Variants in ZNF346 observed in about 807,000 individuals in gnomAD.
ZNF346 encodes the protein double-stranded RNA-binding zinc finger protein JAZ.
A neutral mutation model predicts 33.7 loss-of-function variants in ZNF346; 23 were observed. The observed-to-expected ratio is 0.68, with a 90% CI of 0.49 to 0.97. The LOEUF (loss-of-function observed/expected upper bound fraction) is 0.97, where lower values mean the gene tolerates loss of function less well. Among genes scored for constraint, ZNF346 ranks in the 50% least tolerant of loss-of-function variants. The probability of loss-of-function intolerance (pLI) is 0.00; values close to 1 mark genes in which losing one functional copy is unlikely to be tolerated. For synonymous variants in ZNF346, 134 were observed against 142.4 expected (o/e 0.94, Z 0.42); for missense variants, 340 against 371.1 (o/e 0.92, Z 0.69).
rs183686 is a variant in ZNF346 at position 177,067,101 on chromosome 5, A to G, written c.*2502A>G. 0.58 allele frequency among the ~76,000 whole-genome samples: 87,888 copies of G among 151,964 alleles called. 27,150 individuals carry two copies. The highest frequency in any genetic ancestry group is 0.81 in the African/African-American group (33,625 of 41,446). On this transcript the variant is annotated 3_prime_UTR_variant, in exon 7 of 7. Coordinates refer to ENST00000358149, the MANE Select transcript of ZNF346 (RefSeq NM_012279.4). Reference sequence around the variant, plus strand: ...TAATAAATTTTAAAAGAAGGTAGCCAGGTGTGGTGGTGCATTCCTGTAGTC... The same window carrying G: ...TAATAAATTTTAAAAGAAGGTAGCCGGGTGTGGTGGTGCATTCCTGTAGTC...
intron 5 of ZNF346, among the ~76,000 whole-genome samples, chr5:177,051,149 A>G (rs564131255): frequency 4.5e-4 from 68 of 150,686 alleles, no homozygotes; most frequent in Non-Finnish European, 8.1e-4. Context: ...AGCTGTTACC[A>G]TATCTTTCAG....
At chr5:177,079,025 C>CT (rs1435821052) in intron 8 of ZNF346, among the ~76,000 whole-genome samples, 2 of 151,916 alleles carry the variant, frequency 1.3e-5, no homozygotes, top group Non-Finnish European at 2.9e-5. Flanking sequence ...AATCCCAGCA[C>CT]TTTGGGAGGC....
rs991395928 is a variant in ZNF346, at chr5:177,066,012, A to G, written c.*1413A>G. ...ACCTAGGGTTTTGAGCCATATTGCC[A>G]TTGGATCTAGTATGTCTGTCTTGAC... is the stretch of plus-strand genomic sequence containing the variant. On this transcript the variant is annotated 3_prime_UTR_variant, in exon 7 of 7. Coordinates refer to ENST00000358149, the MANE Select transcript of ZNF346 (RefSeq NM_012279.4). 2.1e-5 allele frequency: 3 copies of G among 143,360 alleles called. No individual in the cohort carries two copies. The highest frequency in any genetic ancestry group is 7.9e-5 in the African/African-American group (3 of 38,084). 8.9% of individuals were successfully genotyped at this position (143,360 alleles called of 1,614,324 possible).
intron 8 of ZNF346, among the ~76,000 whole-genome samples, chr5:177,075,618 A>G (rs244717): frequency 0.72 from 109,986 of 152,056 alleles, 39,842 homozygotes; most frequent in Admixed American, 0.74. Context: ...CTGGGCTCAA[A>G]CAGTCCTCCC....
At chr5:177,032,582 G>A (rs1048235149) in intron 1 of ZNF346, among the ~76,000 whole-genome samples, 2 of 151,872 alleles carry the variant, frequency 1.3e-5, no homozygotes, top group African/African-American at 4.8e-5. Flanking sequence ...GCTAATTTTT[G>A]CACTTTTTAA....
chr5:177,051,978 A>G (rs1780995596), intron 5 of ZNF346: 1 of 152,046 alleles, frequency 6.6e-6, no homozygotes, highest in African/African-American at 2.4e-5. Context: ...AGCCTGGCCA[A>G]CATGGTGAGA....
At chr5:177,059,897 T>C (rs1782247363) in intron 5 of ZNF346, among the ~76,000 whole-genome samples, 1 of 152,102 alleles carries the variant, frequency 6.6e-6, no homozygotes, top group Non-Finnish European at 1.5e-5. Flanking sequence ...CAGTTACAAC[T>C]GTGACAAACT....
At chr5:177,026,268 G>A (rs1239612770) in intron 1 of ZNF346, among the ~76,000 whole-genome samples, 1 of 151,572 alleles carries the variant, frequency 6.6e-6, no homozygotes, top group Non-Finnish European at 1.5e-5. Context: ...GCCTCCCAAA[G>A]TGCTGGCATT....
At position 177,077,309 on chromosome 5, in the gene ZNF346, CAAAG is replaced by C. The variant is rs1783796928; in HGVS notation, c.*3-2072_*3-2069del. ...GAGCCAACAGAGGAGAGTGGAGACA[CAAAG>C]GAAGGGTGTTCTACTGAGAAGGAGC... is the stretch of plus-strand genomic sequence containing the variant. On this transcript the variant is annotated intron_variant, in intron 8 of 8. Coordinates refer to the ZNF346 transcript ENST00000503039. This position sits in a 1 kb window ranked among gnomAD's most constrained non-coding sequence, Gnocchi z 5.0. 6.6e-6 allele frequency among the ~76,000 whole-genome samples: 1 copy of C among 152,028 alleles called. No individual in the cohort carries two copies. Among genetic ancestry groups the C allele is most frequent in the Non-Finnish European group, 1.5e-5 (1 of 68,008 alleles).
chr5:177,079,229 G>A (rs991902998), intron 8 of ZNF346, among the ~76,000 whole-genome samples: 1 of 151,762 alleles, frequency 6.6e-6, no homozygotes, highest in African/African-American at 2.4e-5. Context: ...CCAAGATCAT[G>A]CCACTGCACT....
chr5:177,054,937 G>A (rs1781468081), intron 5 of ZNF346, among the ~76,000 whole-genome samples: 1 of 151,418 alleles, frequency 6.6e-6, no homozygotes, highest in Non-Finnish European at 1.5e-5. Context: ...TTATGGTAAA[G>A]ATACCTTTCT....
intron 8 of ZNF346, among the ~76,000 whole-genome samples, chr5:177,078,165 A>G (rs1783843054): frequency 6.6e-6 from 1 of 152,212 alleles, no homozygotes. Flanking sequence ...AAAAGAAAAG[A>G]AAAGGGAATG....
At chr5:177,036,553 A>T (rs537923296) in intron 1 of ZNF346, among the ~76,000 whole-genome samples, 1 of 152,060 alleles carries the variant, frequency 6.6e-6, no homozygotes, top group Admixed American at 6.6e-5. Context: ...GTGTGTACGC[A>T]GCCTCAGGGT....
rs1420057412 is a variant in ZNF346, at chr5:177,062,041, ATT to A, written c.704-14_704-13del. ...TTCTTTCTGGATTACTAAGATCTTG[ATT>A]TTGATGTGTTTCAGCTGGAAAGGGC... On this transcript the variant is annotated splice_polypyrimidine_tract_variant and intron_variant, in intron 5 of 6. Coordinates refer to ENST00000358149, the MANE Select transcript of ZNF346 (RefSeq NM_012279.4). The A allele has an allele frequency of 6.2e-7, 1 of 1,608,630 alleles. No individual in the cohort carries two copies. Among genetic ancestry groups the A allele is most frequent in the Non-Finnish European group, 8.5e-7 (1 of 1,175,876 alleles).
intron 3 of ZNF346, among the ~76,000 whole-genome samples, chr5:177,043,961 C>T (rs1779708137): frequency 6.6e-6 from 1 of 151,872 alleles, no homozygotes; most frequent in Non-Finnish European, 1.5e-5. Context: ...TGACAGAGGT[C>T]TATTTAATGT....
Position 177,022,698 on chromosome 5 carries a change from G to T in ZNF346, c.-41G>T, listed in dbSNP as rs1775941313. 4.7e-6 allele frequency: 7 copies of T among 1,487,640 alleles called. No homozygotes were observed. The highest frequency in any genetic ancestry group is 5.3e-6 in the Non-Finnish European group (6 of 1,125,692). 92.2% of individuals were successfully genotyped at this position (1,487,640 alleles called of 1,614,324 possible). A position where few individuals can be genotyped will look rare whatever the true frequency, so the allele number is the denominator to read the frequency against. ...ACCCACCAAATCTCGCGATACCTAGGCGCCTGAGAGGCTCTCTACCGGTGA... is the reference window on the plus strand; with the variant it reads ...ACCCACCAAATCTCGCGATACCTAGTCGCCTGAGAGGCTCTCTACCGGTGA... On this transcript the variant is annotated 5_prime_UTR_variant, in exon 1 of 7. Transcript: ENST00000358149.
chr5:177,052,791 G>A (rs1052831772), intron 5 of ZNF346: 2 of 152,172 alleles, frequency 1.3e-5, no homozygotes, highest in African/African-American at 2.4e-5. Context: ...TCAGCTTTAT[G>A]ATTTTTTTCA....
intron 1 of ZNF346, among the ~76,000 whole-genome samples, chr5:177,038,875 C>G (rs1170882576): frequency 2.2e-5 from 2 of 89,110 alleles, no homozygotes; most frequent in African/African-American, 1.2e-4. Context: ...TCTTCTTCTT[C>G]TTGTGTGTGT....
rs1203479093 is a variant in ZNF346 at position 177,067,804 on chromosome 5, T to C, written c.*3205T>C. The stretch of plus-strand genomic sequence containing the variant: ...TAACAACCTTTGAGCTAAGAGTTAA[T>C]ATTCCATATAGAGAAGGAGGCCAGG... On this transcript the variant is annotated 3_prime_UTR_variant, in exon 7 of 7. Transcript: ENST00000358149. Among the ~76,000 whole-genome samples, 1 of 152,088 alleles carries C rather than the reference T, an allele frequency of 6.6e-6. No individual in the cohort carries two copies. Among genetic ancestry groups the C allele is most frequent in the African/African-American group, 2.4e-5 (1 of 41,404 alleles).
Sources: gnomAD v4.1 joint callset for allele counts (sites outside exome capture counted in the v4.1 genomes callset) on GRCh38, gnomAD v4.1.1 for gene constraint, Gnocchi (gnomAD v3.1) non-coding constraint, MANE v1.5 for transcripts, NCBI Gene and HGNC (gene_info 2026-07-23, HGNC 2026-07-21) for gene names.